Variants in NPFFR2 observed in about 807,000 individuals in gnomAD.
NPFFR2 encodes G-protein coupled receptor 74.
A neutral mutation model predicts 13.1 loss-of-function variants in NPFFR2; 15 were observed. The observed-to-expected ratio is 1.15, with a 90% CI of 0.77 to 1.76. The LOEUF (loss-of-function observed/expected upper bound fraction) is 1.76. NPFFR2 is among the 40% of genes most tolerant of loss of function. The pLI, the probability that NPFFR2 is intolerant of heterozygous loss-of-function variation, is 0.00. For missense variants in NPFFR2, 572 were observed against 503.5 expected (o/e 1.14, Z -1.30); for synonymous variants, 190 against 175.7 (o/e 1.08, Z -0.65).
chr4:72,038,002 T>A (rs956355673), intron 1 of NPFFR2, among the ~76,000 whole-genome samples: 6 of 152,206 alleles, frequency 3.9e-5, no homozygotes, highest in Admixed American at 2.6e-4. Flanking sequence ...GCTTGAAGAT[T>A]CTACAGTATC....
chr4:72,116,784 C>G (rs996830313), intron 1 of NPFFR2, among the ~76,000 whole-genome samples: 1 of 152,134 alleles, frequency 6.6e-6, no homozygotes, highest in African/African-American at 2.4e-5. Flanking sequence ...TTATATTATA[C>G]TGTCACTCTG....
Position 72,147,846 on chromosome 4 carries a change from G to A in NPFFR2, c.*34G>A, listed in dbSNP as rs6823634. On this transcript the variant is annotated 3_prime_UTR_variant, in exon 4 of 4. Transcript: ENST00000308744. ...AGTGTGATAATCCTAACTCTACTAC[G>A]CATTATATATTTAAATCCATTGCTT... 4,231 of 1,385,298 alleles carry A rather than the reference G, an allele frequency of 3.1e-3. 117 individuals are homozygous for A. The African/African-American group carries it at 0.053, about 18-fold the overall frequency. 85.8% of individuals were successfully genotyped at this position (1,385,298 alleles called of 1,614,324 possible).
chr4:72,046,384 G>A (rs561752980), intron 1 of NPFFR2, among the ~76,000 whole-genome samples: 37 of 152,108 alleles, frequency 2.4e-4, no homozygotes, highest in Non-Finnish European at 4.4e-4. Context: ...TTACAGGAGT[G>A]GGCTCCTGAT....
intron 1 of NPFFR2, among the ~76,000 whole-genome samples, chr4:72,075,967 A>C (rs1720415443): frequency 7.9e-5 from 1 of 12,622 alleles, no homozygotes; most frequent in African/African-American, 1.0e-4. Flanking sequence ...TCACACACAC[A>C]CACACACATA....
intron 1 of NPFFR2, among the ~76,000 whole-genome samples, chr4:72,043,985 G>A (rs1481338294): frequency 1.3e-5 from 2 of 152,168 alleles, no homozygotes; most frequent in African/African-American, 4.8e-5. Context: ...AGGAGATGTG[G>A]TGGGAAGTAA....
chr4:72,071,741 A>T (rs1720263718), intron 1 of NPFFR2, among the ~76,000 whole-genome samples: 1 of 152,102 alleles, frequency 6.6e-6, no homozygotes, highest in African/African-American at 2.4e-5. Flanking sequence ...CTATGCCCTG[A>T]TTGTTACTTC....
intron 1 of NPFFR2, among the ~76,000 whole-genome samples, chr4:72,085,123 A>G (rs1720730192): frequency 1.3e-5 from 2 of 152,170 alleles, no homozygotes; most frequent in Admixed American, 6.5e-5. Context: ...CTAGAAATGT[A>G]TGGGATGAAA....
intron 1 of NPFFR2, among the ~76,000 whole-genome samples, chr4:72,064,192 C>A (rs1005240573): frequency 6.6e-6 from 1 of 152,150 alleles, no homozygotes; most frequent in East Asian, 1.9e-4. Flanking sequence ...TTAAAAACAA[C>A]AATATTAATC....
chr4:72,044,729 A>G (rs921960453), intron 1 of NPFFR2, among the ~76,000 whole-genome samples: 75 of 119,154 alleles, frequency 6.3e-4, no homozygotes, highest in African/African-American at 2.1e-3. Context: ...TTCTTTGTCC[A>G]CTTTTTACTG....
intron 1 of NPFFR2, among the ~76,000 whole-genome samples, chr4:72,041,240 C>T (rs1719209957): frequency 6.6e-6 from 1 of 152,086 alleles, no homozygotes; most frequent in South Asian, 2.1e-4. Context: ...TAAGTGAGAA[C>T]ATATGGTATT....
chr4:72,038,421 ATATT>A (rs900421050), intron 1 of NPFFR2, among the ~76,000 whole-genome samples: 6 of 152,190 alleles, frequency 3.9e-5, no homozygotes, highest in African/African-American at 1.4e-4. Flanking sequence ...TACTCAGAAA[ATATT>A]TGTTCTGTGA....
rs948913522 is a variant in NPFFR2 at position 72,147,676 on chromosome 4, C to G, written c.1127C>G (p.Ser376Cys). ...KAKSHVLINT[S>C]NQLVQESTFQ... ...AAAAGCCATGTGCTCATAAACACAT[C>G]TAATCAGCTTGTCCAGGAATCTACA... The change falls in exon 4 of 4, where the codon TCT becomes TGT. Residue 376 changes from serine to cysteine, a missense_variant. Ser to Cys is a moderately radical substitution (Grantham distance 112). Coordinates refer to ENST00000308744, the MANE Select transcript of NPFFR2 (RefSeq NM_004885.3). The G allele has an allele frequency of 2.4e-5, 38 of 1,613,998 alleles. No homozygotes were observed. Among genetic ancestry groups the G allele is most frequent in the Non-Finnish European group, 2.7e-5 (32 of 1,180,006 alleles).
At chr4:72,097,162 T>C (rs887336289) in intron 1 of NPFFR2, among the ~76,000 whole-genome samples, 8 of 152,086 alleles carry the variant, frequency 5.3e-5, no homozygotes, top group Admixed American at 3.3e-4. Context: ...TTTTGTTCTT[T>C]CTACATAGGG....
intron 1 of NPFFR2, among the ~76,000 whole-genome samples, chr4:72,045,988 G>T (rs780043766): frequency 2.4e-4 from 37 of 152,042 alleles, no homozygotes; most frequent in Non-Finnish European, 4.9e-4. Context: ...TATATATAAA[G>T]ATGTTTATTG....
chr4:72,055,769 CA>C (rs1719725820), intron 1 of NPFFR2, among the ~76,000 whole-genome samples: 1 of 151,832 alleles, frequency 6.6e-6, no homozygotes, highest in South Asian at 2.1e-4. Flanking sequence ...GATAAGAAAG[CA>C]AAATAGCTTT....
chr4:72,063,016 T>G (rs1719964974), intron 1 of NPFFR2, among the ~76,000 whole-genome samples: 1 of 152,204 alleles, frequency 6.6e-6, no homozygotes, highest in South Asian at 2.1e-4. Flanking sequence ...CAGCAACAGG[T>G]AACTGTACAT....
intron 1 of NPFFR2, among the ~76,000 whole-genome samples, chr4:72,058,905 T>C (rs1007613277): frequency 5.3e-5 from 8 of 152,072 alleles, no homozygotes; most frequent in African/African-American, 1.7e-4. Context: ...ACTTCATAGC[T>C]CTAGCAAATA....
intron 3 of NPFFR2, among the ~76,000 whole-genome samples, chr4:72,144,647 T>C (rs774304441): frequency 1.6e-4 from 25 of 152,208 alleles, no homozygotes; most frequent in Non-Finnish European, 2.8e-4. Context: ...GCACCTTAAA[T>C]TAAACATGCC....
intron 3 of NPFFR2, among the ~76,000 whole-genome samples, chr4:72,139,822 G>A (rs1722541188): frequency 6.6e-6 from 1 of 152,068 alleles, no homozygotes; most frequent in African/African-American, 2.4e-5. Context: ...GATGGAGATG[G>A]CATTGAATCT....
Sources: allele counts gnomAD v4.1 joint callset (sites outside exome capture counted in the v4.1 genomes callset), GRCh38; gene constraint gnomAD v4.1.1; transcripts MANE v1.5; gene names NCBI Gene and HGNC (gene_info 2026-07-23, HGNC 2026-07-21).